Variants in RP1 observed in about 807,000 individuals in gnomAD.
RP1 encodes the protein oxygen-regulated protein 1.
RP1 carries 16 observed loss-of-function variants against 14.8 expected under a neutral mutation model. The ratio of observed to expected loss-of-function variants is 1.08; its 90% confidence interval spans 0.73 to 1.65. The LOEUF (loss-of-function observed/expected upper bound fraction) is 1.65, where lower values mean the gene tolerates loss of function less well. RP1 is among the 40% of genes most tolerant of loss of function. The pLI is 0.00. For missense variants in RP1, 2,631 were observed against 2,535.0 expected (o/e 1.04, Z -0.81); for synonymous variants, 876 against 883.6 (o/e 0.99, Z 0.15).
intron 13 of RP1, among the ~76,000 whole-genome samples, chr8:54,701,142 G>C (rs1245462790): frequency 1.3e-5 from 2 of 152,086 alleles, no homozygotes; most frequent in African/African-American, 4.8e-5. Flanking sequence ...ATCGATTTCA[G>C]TTTTTAGTCC....
At chr8:54,730,652 A>G (rs981140195) in intron 17 of RP1, among the ~76,000 whole-genome samples, 1 of 152,138 alleles carries the variant, frequency 6.6e-6, no homozygotes. Flanking sequence ...ACCAAGACAC[A>G]GACCTTTACC....
At chr8:54,782,817 T>A (rs1810221641) in intron 23 of RP1, among the ~76,000 whole-genome samples, 1 of 152,162 alleles carries the variant, frequency 6.6e-6, no homozygotes, top group Admixed American at 6.6e-5. Flanking sequence ...TTGTTTCCTG[T>A]CATGCTCTGC....
intron 1 of RP1, among the ~76,000 whole-genome samples, chr8:54,617,062 T>G (rs1372153644): frequency 6.6e-6 from 1 of 152,248 alleles, no homozygotes; most frequent in African/African-American, 2.4e-5. Flanking sequence ...AAAGAGTCTC[T>G]GCAGAGAAGA....
At chr8:54,571,842 C>T (rs1273228408) in intron 1 of RP1, among the ~76,000 whole-genome samples, 1 of 152,008 alleles carries the variant, frequency 6.6e-6, no homozygotes, top group East Asian at 1.9e-4. Flanking sequence ...ATCAATCTTG[C>T]ACTCTCTCTG....
chr8:54,743,214 C>T (rs928867431), intron 19 of RP1, among the ~76,000 whole-genome samples: 20 of 152,164 alleles, frequency 1.3e-4, no homozygotes, highest in African/African-American at 4.6e-4. Context: ...ATCTACTTTA[C>T]CATTCCCTGT....
chr8:54,697,216 A>T, intron 12 of RP1: 1 of 669,040 alleles, frequency 1.5e-6, no homozygotes, highest in Admixed American at 2.2e-5. Flanking sequence ...AGAGAAGATT[A>T]TTTCCTGCGT....
intron 15 of RP1, among the ~76,000 whole-genome samples, chr8:54,710,859 A>G (rs1808279615): frequency 6.6e-6 from 1 of 152,126 alleles, no homozygotes; most frequent in Non-Finnish European, 1.5e-5. Flanking sequence ...GTAGTTTTGG[A>G]AAAGGCAACA....
chr8:54,700,102 A>C, intron 13 of RP1, among the ~76,000 whole-genome samples: 1 of 152,196 alleles, frequency 6.6e-6, no homozygotes, highest in East Asian at 1.9e-4. Flanking sequence ...AATAGGATTA[A>C]GTGAGTTGCA....
chr8:54,770,015 T>G (rs2375220), downstream of RP1: 367,237 of 487,718 alleles, frequency 0.75, 139,680 homozygotes, highest in African/African-American at 0.92. Flanking sequence ...AAAAATCAAC[T>G]TAAGGATTTG....
upstream of RP1, among the ~76,000 whole-genome samples, chr8:54,613,062 T>C (rs1805634213): frequency 6.6e-6 from 1 of 152,184 alleles, no homozygotes; most frequent in African/African-American, 2.4e-5. Flanking sequence ...TTCTGTTGTG[T>C]TTGTTGCTAT....
chr8:54,571,042 T>C (rs1804508315), intron 1 of RP1, among the ~76,000 whole-genome samples: 2 of 152,190 alleles, frequency 1.3e-5, no homozygotes, highest in Admixed American at 6.5e-5. Flanking sequence ...CTCTTGCTCC[T>C]TCTGTTGCCA....
At chr8:54,598,093 T>C (rs539738510) in intron 1 of RP1, among the ~76,000 whole-genome samples, 1 of 152,294 alleles carries the variant, frequency 6.6e-6, no homozygotes, top group East Asian at 1.9e-4. Flanking sequence ...GAGAATATTA[T>C]ATAAATTAAA....
chr8:54,670,553 G>GTATA (rs201776270), intron 7 of RP1, among the ~76,000 whole-genome samples: 2 of 79,058 alleles, frequency 2.5e-5, no homozygotes, highest in Non-Finnish European at 5.4e-5. Context: ...GTATGTATAT[G>GTATA]TATATATATA....
intron 17 of RP1, among the ~76,000 whole-genome samples, chr8:54,731,690 G>C (rs1337488779): frequency 6.6e-6 from 1 of 152,118 alleles, no homozygotes; most frequent in Admixed American, 6.5e-5. Context: ...GCAGGAATAA[G>C]GGGCCTTAGA....
intron 1 of RP1, among the ~76,000 whole-genome samples, chr8:54,618,924 G>A (rs550719205): frequency 1.3e-3 from 199 of 152,350 alleles, no homozygotes; most frequent in African/African-American, 4.6e-3. Flanking sequence ...GCCTCCCAAA[G>A]TGCTGGGATT....
At chr8:54,636,935 A>AAG (rs1218783151) in intron 3 of RP1, among the ~76,000 whole-genome samples, 6 of 152,216 alleles carry the variant, frequency 3.9e-5, no homozygotes, top group African/African-American at 1.4e-4. Flanking sequence ...AACTAGGACC[A>AAG]AGAGAAAGTT....
chr8:54,701,435 AT>A (rs879057675), intron 13 of RP1: 381 of 1,355,124 alleles, frequency 2.8e-4, no homozygotes, highest in East Asian at 2.6e-3. Flanking sequence ...ATTACATTAA[AT>A]TTTTTTTTTC....
chr8:54,789,385 C>T (rs893150971), intron 24 of RP1, among the ~76,000 whole-genome samples: 2 of 152,160 alleles, frequency 1.3e-5, no homozygotes, highest in Non-Finnish European at 2.9e-5. Flanking sequence ...AGCCAATGAC[C>T]CTGCCTGACT....
At chr8:54,774,656 G>C (rs1294068325), downstream of RP1, among the ~76,000 whole-genome samples, 3 of 152,132 alleles carry the variant, frequency 2.0e-5, no homozygotes, top group Non-Finnish European at 2.9e-5. Flanking sequence ...TTTAGTTTTT[G>C]TTTGATTCTA....
Sources: allele counts gnomAD v4.1 joint callset (sites outside exome capture counted in the v4.1 genomes callset), GRCh38; gene constraint gnomAD v4.1.1; transcripts MANE v1.5; gene names NCBI Gene and HGNC (gene_info 2026-07-23, HGNC 2026-07-21).